Variants in PDE12 observed in about 807,000 individuals in gnomAD.
PDE12 encodes the protein phosphodiesterase 12, also known as 2',5'-phosphodiesterase 12.
In PDE12, 26 loss-of-function variants were observed where a neutral mutation model predicts 45.4. The observed-to-expected ratio is 0.57, with a 90% CI of 0.42 to 0.79. The LOEUF (loss-of-function observed/expected upper bound fraction) is 0.79, where lower values mean the gene tolerates loss of function less well. PDE12 is among the 30% of genes least tolerant of loss of function. The probability of loss-of-function intolerance (pLI) is 0.00; values close to 1 mark genes in which losing one functional copy is unlikely to be tolerated. For synonymous variants in PDE12, 283 were observed against 323.9 expected (o/e 0.87, Z 1.36); for missense variants, 668 against 790.0 (o/e 0.85, Z 1.85).
chr3:57,633,146 C>T, the PDE12 span: 1 of 825,578 alleles, frequency 1.2e-6, no homozygotes, highest in South Asian at 1.7e-5. Flanking sequence ...TTTTTAATCA[C>T]TAAATATACC....
chr3:57,630,637 T>A, the PDE12 span: 3 of 1,541,864 alleles, frequency 1.9e-6, no homozygotes, highest in Non-Finnish European at 2.6e-6. Context: ...TTAAAAAGAA[T>A]AAGCTTAAGT....
In PDE12 at chr3:57,561,879, T is replaced by G; in HGVS notation, c.*1875T>G. Reference sequence around the variant, plus strand: ...TTGAACCTTGAAGTACTTTAAGTACTCCAAGGGGAAAATTAAAGTGGAAGT... The same window carrying G: ...TTGAACCTTGAAGTACTTTAAGTACGCCAAGGGGAAAATTAAAGTGGAAGT... On this transcript the variant is annotated 3_prime_UTR_variant, in exon 3 of 3. Transcript: ENST00000311180. The G allele has an allele frequency of 1.0e-6, 1 of 985,348 alleles. No homozygotes were observed. Among genetic ancestry groups the G allele is most frequent in the Non-Finnish European group, 1.2e-6 (1 of 829,838 alleles). 61.0% of individuals were successfully genotyped at this position (985,348 alleles called of 1,614,324 possible). A position where few individuals can be genotyped will look rare whatever the true frequency, so the allele number is the denominator to read the frequency against.
Position 57,565,783 on chromosome 3 carries a change from C to G in PDE12, c.*5779C>G, listed in dbSNP as rs1189838670. On this transcript the variant is annotated 3_prime_UTR_variant, in exon 3 of 3. Transcript: ENST00000311180. ...ACGCCATTGCACTCCAGCCTGGCAA[C>G]AAAGCGGGACTCTGTCTCAAAAATA... 6.6e-6 allele frequency: 1 copy of G among 152,134 alleles called. No individual in the cohort carries two copies. Among genetic ancestry groups the G allele is most frequent in the Non-Finnish European group, 1.5e-5 (1 of 68,086 alleles). 9.4% of individuals were successfully genotyped at this position (152,134 alleles called of 1,614,324 possible). A position where few individuals can be genotyped will look rare whatever the true frequency, so the allele number is the denominator to read the frequency against.
the PDE12 span, chr3:57,598,117 T>TA: frequency 6.6e-6 from 1 of 152,148 alleles, no homozygotes; most frequent in Non-Finnish European, 1.5e-5. Flanking sequence ...ATTTACTCCT[T>TA]ATGTTGAGGA....
chr3:57,630,861 G>C, the PDE12 span: 1 of 1,610,584 alleles, frequency 6.2e-7, no homozygotes, highest in African/African-American at 1.3e-5. Flanking sequence ...GAAATTAGGA[G>C]TGGATATGTT....
chr3:57,579,317 C>CT, the PDE12 span, among the ~76,000 whole-genome samples: 3 of 142,216 alleles, frequency 2.1e-5, no homozygotes, highest in Non-Finnish European at 3.1e-5. Flanking sequence ...TATACTATAT[C>CT]TTTTTTTTCA....
the PDE12 span, among the ~76,000 whole-genome samples, chr3:57,573,062 C>T: frequency 1.3e-5 from 2 of 151,812 alleles, no homozygotes; most frequent in Admixed American, 6.6e-5. Context: ...ATTAGCCGGG[C>T]GTGGTGGTGG....
chr3:57,559,922 A>C lies in PDE12; in HGVS notation c.1748A>C (p.Glu583Ala), dbSNP rs1231410819. ...EQVIPLPSHE[E>A]VTTHQALPSV... is the part of the protein sequence containing the mutation. The stretch of plus-strand genomic sequence containing the variant: ...GTGATTCCATTACCTAGTCATGAAG[A>C]AGTTACCACCCACCAGGCCTTACCT... The change falls in exon 3 of 3, where the codon GAA (glutamate) becomes GCA (alanine). Residue 583 changes from glutamate (E) to alanine (A), a missense_variant. Physicochemically the swap from Glu to Ala is moderately radical, Grantham distance 107. Transcript: ENST00000311180. The C allele has an allele frequency of 6.2e-7, 1 of 1,613,886 alleles. No individual in the cohort carries two copies. The highest frequency in any genetic ancestry group is 1.1e-5 in the South Asian group (1 of 91,090).
chr3:57,595,952 CAA>C, the PDE12 span, among the ~76,000 whole-genome samples: 25 of 129,538 alleles, frequency 1.9e-4, no homozygotes, highest in Admixed American at 1.6e-4. Context: ...ACTCCGTCTG[CAA>C]AAAAAAAAAA....
chr3:57,648,594 A>G, the PDE12 span, among the ~76,000 whole-genome samples: 1 of 152,186 alleles, frequency 6.6e-6, no homozygotes, highest in East Asian at 1.9e-4. Context: ...TCTGGAAGCA[A>G]TACATTATCT....
downstream of PDE12, among the ~76,000 whole-genome samples, chr3:57,570,985 G>T (rs868272386): frequency 2.4e-4 from 34 of 140,770 alleles, no homozygotes; most frequent in Middle Eastern, 0.015. Flanking sequence ...TGATTTTTTT[G>T]TTGTTGTTGT....
At chr3:57,612,981 A>C in the PDE12 span, among the ~76,000 whole-genome samples, 1 of 151,938 alleles carries the variant, frequency 6.6e-6, no homozygotes, top group Non-Finnish European at 1.5e-5. Context: ...TACATACAAA[A>C]ACCTTTTTCT....
the PDE12 span, among the ~76,000 whole-genome samples, chr3:57,589,299 C>G: frequency 0.75 from 113,534 of 151,588 alleles, 44,550 homozygotes; most frequent in East Asian, 1. Flanking sequence ...AGGGTGGTGC[C>G]CATCTATATT....
At position 57,562,409 on chromosome 3, in the gene PDE12, C is replaced by T. The variant is rs62260500; in HGVS notation, c.*2405C>T. 8,225 of 152,174 alleles carry T rather than the reference C, an allele frequency of 0.054. 325 individuals carry two copies. Among genetic ancestry groups the T allele is most frequent in the Non-Finnish European group, 0.082 (5,599 of 68,026 alleles). The allele number at this position is 152,174 out of a possible 1,614,324, so 9.4% of individuals were successfully genotyped here. On this transcript the variant is annotated 3_prime_UTR_variant, in exon 3 of 3. Coordinates refer to ENST00000311180, the MANE Select transcript of PDE12 (RefSeq NM_177966.7). Reference sequence around the variant, plus strand: ...ATACTGTGATCAAATCTCCAGTATACGGATACGTTAAAATGATTGGAGTCC... The same window carrying T: ...ATACTGTGATCAAATCTCCAGTATATGGATACGTTAAAATGATTGGAGTCC...
At chr3:57,645,323 T>A in the PDE12 span, among the ~76,000 whole-genome samples, 25 of 151,802 alleles carry the variant, frequency 1.6e-4, no homozygotes, top group African/African-American at 5.8e-4. Flanking sequence ...TAGCCGGGCG[T>A]GGTGGCGCAT....
the PDE12 span, chr3:57,628,193 G>T: frequency 1.2e-6 from 2 of 1,603,886 alleles, no homozygotes; most frequent in Non-Finnish European, 1.7e-6. Context: ...ATCCTTTTTG[G>T]CTGGAAAATC....
At chr3:57,572,000 C>CT in the PDE12 span, 1 of 477,262 alleles carries the variant, frequency 2.1e-6, no homozygotes, top group East Asian at 3.3e-5. Flanking sequence ...AAAGAGGATA[C>CT]TTTTTTCCCA....
At chr3:57,596,462 G>A in the PDE12 span, 3 of 152,212 alleles carry the variant, frequency 2.0e-5, no homozygotes, top group African/African-American at 7.2e-5. Context: ...AACAAGGAGC[G>A]AAAAACTTGA....
At chr3:57,619,028 A>G in the PDE12 span, among the ~76,000 whole-genome samples, 1 of 152,132 alleles carries the variant, frequency 6.6e-6, no homozygotes, top group African/African-American at 2.4e-5. Flanking sequence ...TTTGTCAAAT[A>G]CTTTATATGT....
Sources: gnomAD v4.1 joint callset for allele counts (sites outside exome capture counted in the v4.1 genomes callset) on GRCh38, gnomAD v4.1.1 for gene constraint, MANE v1.5 for transcripts, NCBI Gene and HGNC (gene_info 2026-07-23, HGNC 2026-07-21) for gene names.